The following DMD variants were observed in gnomAD, a reference collection of about 807,000 sequenced individuals.
DMD encodes the protein mutant dystrophin.
DMD carries 63 observed loss-of-function variants against 330.1 expected under a neutral mutation model. The observed-to-expected ratio is 0.19, with a 90% CI of 0.16 to 0.24. The LOEUF is 0.24. DMD is among the 10% of genes least tolerant of loss of function. The pLI is 1.00. For missense variants in DMD, 3,344 were observed against 2,684.1 expected (o/e 1.25, Z -5.43); for synonymous variants, 1,223 against 959.8 (o/e 1.27, Z -5.07).
At chrX:33,328,804 C>T (rs2054126985) in intron 1 of DMD, among the ~76,000 whole-genome samples, 1 of 111,428 alleles carries the variant, frequency 9.0e-6, no homozygotes, top group African/African-American at 3.3e-5. Context: ...CTCTATAAGT[C>T]ACACTTTCCT....
chrX:32,767,819 T>C (rs1252417676), intron 7 of DMD, among the ~76,000 whole-genome samples: 1 of 112,131 alleles, frequency 8.9e-6, no homozygotes, highest in Admixed American at 9.5e-5. Context: ...ATTAGATATA[T>C]AAGCATTTAT....
At chrX:31,357,172 A>T (rs991647682) in intron 60 of DMD, among the ~76,000 whole-genome samples, 2 of 111,381 alleles carry the variant, frequency 1.8e-5, no homozygotes, top group African/African-American at 6.5e-5. Context: ...TTTATACCAC[A>T]TTTGGAAGAT....
At chrX:31,814,343 C>T (rs910340369) in intron 50 of DMD, among the ~76,000 whole-genome samples, 2 of 106,709 alleles carry the variant, frequency 1.9e-5, no homozygotes, top group Non-Finnish European at 3.9e-5. Context: ...ATTAGCCGGG[C>T]GTGGTGGCGG....
At chrX:32,703,422 G>A (rs1372840233) in intron 7 of DMD, among the ~76,000 whole-genome samples, 2 of 111,500 alleles carry the variant, frequency 1.8e-5, no homozygotes, top group East Asian at 5.6e-4. Flanking sequence ...AGTTGTAGGA[G>A]ACCATTTGTA....
At chrX:31,244,044 A>C in intron 63 of DMD, among the ~76,000 whole-genome samples, 1 of 112,628 alleles carries the variant, frequency 8.9e-6, no homozygotes, top group Non-Finnish European at 1.9e-5. Context: ...TGTTTTGAGA[A>C]GATAAAACAG....
chrX:32,236,019 T>C (rs920418255), intron 43 of DMD, among the ~76,000 whole-genome samples: 2 of 111,998 alleles, frequency 1.8e-5, no homozygotes, highest in African/African-American at 6.5e-5. Flanking sequence ...TTTTAAGGAA[T>C]TCATTTAAAA....
At chrX:32,687,148 T>C (rs766131036) in intron 9 of DMD, among the ~76,000 whole-genome samples, 1 of 112,111 alleles carries the variant, frequency 8.9e-6, no homozygotes, top group South Asian at 3.7e-4. Context: ...GCAAGGACAT[T>C]CTCAAACTTC....
intron 62 of DMD, among the ~76,000 whole-genome samples, chrX:31,300,562 A>G (rs1432568615): frequency 8.9e-6 from 1 of 111,975 alleles, no homozygotes; most frequent in African/African-American, 3.2e-5. Context: ...GTAGGAAGTT[A>G]GAGTATCTTC....
chrX:32,399,843 T>TA (rs1283347416), intron 30 of DMD, among the ~76,000 whole-genome samples: 1 of 111,970 alleles, frequency 8.9e-6, no homozygotes, highest in African/African-American at 3.2e-5. Flanking sequence ...AAATGTCCAT[T>TA]AAAAAACGAA....
intron 32 of DMD, 53 bp from the exon 33 acceptor site, chrX:32,386,518 A>G: frequency 9.7e-7 from 1 of 1,033,860 alleles, no homozygotes; most frequent in South Asian, 2.0e-5. Context: ...AAATTATTTC[A>G]TAATATTATG....
intron 42 of DMD, among the ~76,000 whole-genome samples, chrX:32,304,830 A>G (rs951134384): frequency 1.6e-4 from 18 of 111,593 alleles, no homozygotes; most frequent in African/African-American, 5.8e-4. Context: ...TCAAAAGATC[A>G]GTTTCTACAA....
At position 31,120,009 on chromosome X, in the gene DMD, G is replaced by T. The variant is rs1316693046; in HGVS notation, c.*1910C>A. 1.8e-5 allele frequency: 2 copies of T among 110,342 alleles called. No individual in the cohort carries two copies. Among genetic ancestry groups the T allele is most frequent in the African/African-American group, 6.6e-5 (2 of 30,445 alleles). The allele number at this position is 110,342 out of a possible 1,213,427, so 9.1% of individuals were successfully genotyped here. A position where few individuals can be genotyped will look rare whatever the true frequency, so the allele number is the denominator to read the frequency against. On this transcript the variant is annotated 3_prime_UTR_variant, in exon 79 of 79. Transcript: ENST00000357033. The stretch of plus-strand genomic sequence containing the variant: ...AGAAATAGCATGAGAAGCCGTGTTT[G>T]ATGTTAATTAATTAATTATTAATAA...
intron 62 of DMD, among the ~76,000 whole-genome samples, chrX:31,320,457 A>C (rs952771507): frequency 1.8e-5 from 2 of 112,147 alleles, no homozygotes; most frequent in Non-Finnish European, 3.8e-5. Flanking sequence ...CTGTGGTAAA[A>C]ACTCTTGACT....
At position 32,032,860 on chromosome X, in the gene DMD, G is replaced by A. The variant is rs771895042; in HGVS notation, c.6439-64346C>T. Among the ~76,000 whole-genome samples, 4 of 111,803 alleles carry A rather than the reference G, an allele frequency of 3.6e-5. 1 individual carries two copies. Among genetic ancestry groups the A allele is most frequent in the African/African-American group, 1.3e-4 (4 of 30,850 alleles). The stretch of plus-strand genomic sequence containing the variant: ...TGCATGAGGTGAGTGGGAAAAACTT[G>A]AACATGTGGGTGGGAAATGGGGCGA... On this transcript the variant is annotated intron_variant, in intron 44 of 78. Transcript: ENST00000357033.
At chrX:32,004,035 T>C (rs1469807394) in intron 44 of DMD, among the ~76,000 whole-genome samples, 1 of 111,119 alleles carries the variant, frequency 9.0e-6, no homozygotes, top group East Asian at 2.8e-4. Context: ...TAATATAGTA[T>C]TTTATTTAAT....
intron 55 of DMD, among the ~76,000 whole-genome samples, chrX:31,605,072 G>A (rs1332516697): frequency 6.3e-5 from 7 of 111,720 alleles, no homozygotes; most frequent in African/African-American, 2.3e-4. Flanking sequence ...ATAAGGAAGT[G>A]GTTAGAATGT....
intron 2 of DMD, among the ~76,000 whole-genome samples, chrX:32,878,130 C>T (rs1425924888): frequency 8.9e-6 from 1 of 112,237 alleles, no homozygotes; most frequent in Non-Finnish European, 1.9e-5. Flanking sequence ...AATCCCAGCA[C>T]TTTGGGAGGC....
chrX:32,541,033 C>T (rs1311614357), intron 17 of DMD, among the ~76,000 whole-genome samples: 1 of 110,843 alleles, frequency 9.0e-6, no homozygotes, highest in Non-Finnish European at 1.9e-5. Flanking sequence ...CTTGGCAATT[C>T]GAATGAACAT....
rs190689991 is a variant in DMD at position 32,319,701 on chromosome X, C to T, written c.5923-9425G>A. Among the ~76,000 whole-genome samples the T allele has an allele frequency of 4.5e-5, 5 of 110,892 alleles. No individual in the cohort carries two copies. The East Asian group carries it at 1.4e-3, about 32-fold the overall frequency. On this transcript the variant is annotated intron_variant, in intron 41 of 78. Transcript: ENST00000357033. The stretch of plus-strand genomic sequence containing the variant: ...TTGTCTTTTAGTTACTAATCTGACT[C>T]ATTATACTTGAATACAAACATAAGC...
Sources: gnomAD v4.1 joint callset for allele counts (sites outside exome capture counted in the v4.1 genomes callset) on GRCh38, gnomAD v4.1.1 for gene constraint, MANE v1.5 for transcripts, NCBI Gene and HGNC (gene_info 2026-07-23, HGNC 2026-07-21) for gene names.